The following MTMR7 variants were observed in gnomAD, a reference collection of about 807,000 sequenced individuals.
MTMR7 encodes phosphatidylinositol-3-phosphate phosphatase MTMR7.
A neutral mutation model predicts 81.2 loss-of-function variants in MTMR7; 76 were observed. That is an observed-to-expected ratio of 0.94 (90% CI 0.78 to 1.13). MTMR7 has a LOEUF of 1.13. Ranked by LOEUF, MTMR7 falls within the 50% of genes most tolerant of loss-of-function variation. MTMR7 has a pLI of 0.00. For missense variants in MTMR7, 1,044 were observed against 820.0 expected, an observed-to-expected ratio of 1.27 and a Z score of -3.34; for synonymous variants, 372 against 289.8, an observed-to-expected ratio of 1.28 and a Z score of -2.88.
At chr8:17,304,889 A>G (rs1207525506) in intron 11 of MTMR7, among the ~76,000 whole-genome samples, 1 of 152,076 alleles carries the variant, frequency 6.6e-6, no homozygotes, top group Non-Finnish European at 1.5e-5. Flanking sequence ...AGTTGCTGTG[A>G]GCTCTGTCTA....
At chr8:17,331,457 T>C (rs1318190814) in intron 6 of MTMR7, among the ~76,000 whole-genome samples, 175 bp from the exon 7 acceptor site, 2 of 152,224 alleles carry the variant, frequency 1.3e-5, no homozygotes, top group Non-Finnish European at 2.9e-5. Context: ...CAGGGACTCC[T>C]GCTGAGCTTA....
chr8:17,340,302 G>T (rs1002910522), intron 6 of MTMR7, among the ~76,000 whole-genome samples: 26 of 152,172 alleles, frequency 1.7e-4, no homozygotes, highest in African/African-American at 6.0e-4. Flanking sequence ...CACTCTTGTT[G>T]CCTAACAGGA....
At chr8:17,359,596 A>AAC (rs879808159) in intron 4 of MTMR7, among the ~76,000 whole-genome samples, 2 of 151,610 alleles carry the variant, frequency 1.3e-5, no homozygotes, top group East Asian at 1.9e-4. Flanking sequence ...AAAAAAAAAA[A>AAC]AAACCTGAAA....
intron 3 of MTMR7, among the ~76,000 whole-genome samples, chr8:17,365,163 A>G (rs1820187179): frequency 6.6e-6 from 1 of 152,104 alleles, no homozygotes; most frequent in Admixed American, 6.5e-5. Flanking sequence ...CTCCCTAATG[A>G]TTATTGAGGT....
Position 17,297,407 on chromosome 8 carries a change from C to G in MTMR7, c.*2455G>C, listed in dbSNP as rs1225308577. On this transcript the variant is annotated 3_prime_UTR_variant, in exon 14 of 14. Coordinates refer to ENST00000180173, the MANE Select transcript of MTMR7 (RefSeq NM_004686.5). Reference sequence around the variant, plus strand: ...ACATATATATGCTTAAATTGAAGGACAGCTCAGATTCATTTTTAGGAGAAG... The same window carrying G: ...ACATATATATGCTTAAATTGAAGGAGAGCTCAGATTCATTTTTAGGAGAAG... 4 of 152,006 alleles carry G rather than the reference C, an allele frequency of 2.6e-5. No homozygotes were observed. Among genetic ancestry groups the G allele is most frequent in the Non-Finnish European group, 5.9e-5 (4 of 67,932 alleles). The allele number at this position is 152,006 out of a possible 1,614,324, so 9.4% of individuals were successfully genotyped here.
rs369466778 is a variant in MTMR7, at chr8:17,348,994, G to A, written c.556C>T (p.Arg186Trp). Reference protein sequence around the residue: ...IVGSSKFRSRRRFPVLSYYYK... With the variant: ...IVGSSKFRSRWRFPVLSYYYK... ...TAGTAAGAAAGGACAGGAAATCGCCGTCTACTCCGGAATTTGGAACTCCCC... is the reference window on the plus strand; with the variant it reads ...TAGTAAGAAAGGACAGGAAATCGCCATCTACTCCGGAATTTGGAACTCCCC... Residue 186 changes from arginine to tryptophan, a missense_variant, in exon 5 of 14, where the codon CGG (arginine) becomes TGG (tryptophan). By Grantham distance (101) the Arg-to-Trp change is moderately radical. Transcript: ENST00000180173. 4.6e-5 allele frequency: 74 copies of A among 1,613,298 alleles called. No homozygotes were observed. The highest frequency in any genetic ancestry group is 2.1e-4 in the African/African-American group (16 of 74,592).
At chr8:17,303,068 G>A (rs1458586155) in intron 12 of MTMR7, among the ~76,000 whole-genome samples, 1 of 152,096 alleles carries the variant, frequency 6.6e-6, no homozygotes, top group Non-Finnish European at 1.5e-5. Context: ...GAGAAAAATG[G>A]TGTTATCACA....
intron 6 of MTMR7, among the ~76,000 whole-genome samples, chr8:17,337,553 A>G (rs926657417): frequency 2.6e-5 from 4 of 152,150 alleles, no homozygotes; most frequent in African/African-American, 9.7e-5. Flanking sequence ...CCTGAAGAGT[A>G]TAATTTTTTT....
chr8:17,390,612 A>G (rs1167984960), intron 1 of MTMR7, among the ~76,000 whole-genome samples: 1 of 152,154 alleles, frequency 6.6e-6, no homozygotes, highest in Non-Finnish European at 1.5e-5. Context: ...ACTGCTATAA[A>G]GATAGTACCC....
chr8:17,300,017 G>T lies in MTMR7; in HGVS notation c.1828C>A (p.Leu610Met), dbSNP rs773786079. 6.2e-7 allele frequency: 1 copy of T among 1,614,036 alleles called. No homozygotes were observed. The highest frequency in any genetic ancestry group is 1.3e-5 in the African/African-American group (1 of 74,932). Residue 610 changes from leucine (L) to methionine (M), a missense_variant, in exon 14 of 14, where the codon CTG becomes ATG. Leu to Met is a conservative substitution (Grantham distance 15). Coordinates refer to ENST00000180173, the MANE Select transcript of MTMR7 (RefSeq NM_004686.5). ...GACAGATCTGGATCTGAACTTTTCA[G>T]ATTGTCTTGGGTTAGAATCAGAGCA... Reference protein sequence around the residue: ...DSALILTQDNLKSSDPDLSAN... With the variant: ...DSALILTQDNMKSSDPDLSAN...
intron 3 of MTMR7, among the ~76,000 whole-genome samples, chr8:17,362,965 A>C (rs771339501): frequency 7.9e-5 from 12 of 152,224 alleles, no homozygotes; most frequent in Non-Finnish European, 1.5e-4. Flanking sequence ...GTAAGAAGCA[A>C]CTGCTGTATG....
At chr8:17,380,829 T>C (rs539598914) in intron 1 of MTMR7, among the ~76,000 whole-genome samples, 2 of 152,322 alleles carry the variant, frequency 1.3e-5, no homozygotes, top group South Asian at 4.1e-4. Context: ...TACATGAAAT[T>C]AGTACTTGAA....
intron 7 of MTMR7, among the ~76,000 whole-genome samples, chr8:17,320,155 A>G (rs1214353393): frequency 6.6e-6 from 1 of 151,988 alleles, no homozygotes; most frequent in Non-Finnish European, 1.5e-5. Flanking sequence ...TACATAACAT[A>G]TGAGATTTTC....
At chr8:17,386,692 T>C (rs960345475) in intron 1 of MTMR7, among the ~76,000 whole-genome samples, 3 of 152,164 alleles carry the variant, frequency 2.0e-5, no homozygotes, top group African/African-American at 4.8e-5. Context: ...TCCATGGCCA[T>C]GAAGAAAAGC....
At chr8:17,408,232 T>C (rs1227850695) in intron 1 of MTMR7, among the ~76,000 whole-genome samples, 1 of 113,566 alleles carries the variant, frequency 8.8e-6, no homozygotes, top group African/African-American at 2.6e-5. Context: ...CTACTAAAAA[T>C]ACAAAAATTA....
chr8:17,399,561 A>T (rs1020055172), intron 1 of MTMR7, among the ~76,000 whole-genome samples: 2 of 152,204 alleles, frequency 1.3e-5, no homozygotes, highest in African/African-American at 4.8e-5. Flanking sequence ...AACCCAAAGT[A>T]ATCTACAAAT....
At chr8:17,362,791 A>G (rs1820097841) in intron 3 of MTMR7, among the ~76,000 whole-genome samples, 1 of 152,216 alleles carries the variant, frequency 6.6e-6, no homozygotes, top group South Asian at 2.1e-4. Context: ...AAATACATGT[A>G]TGTGTAGCCC....
chr8:17,389,497 G>C (rs189342698), intron 1 of MTMR7, among the ~76,000 whole-genome samples: 87 of 152,264 alleles, frequency 5.7e-4, no homozygotes, highest in African/African-American at 1.9e-3. Flanking sequence ...AGCAACCCTC[G>C]GTGGCAGGAT....
chr8:17,329,753 C>G (rs960360932), intron 7 of MTMR7, among the ~76,000 whole-genome samples: 2 of 152,192 alleles, frequency 1.3e-5, no homozygotes, highest in Admixed American at 6.5e-5. Flanking sequence ...ACATAAAAAA[C>G]ATAGTTTGTA....
Sources: allele counts gnomAD v4.1 joint callset (sites outside exome capture counted in the v4.1 genomes callset), GRCh38; gene constraint gnomAD v4.1.1; transcripts MANE v1.5; gene names NCBI Gene and HGNC (gene_info 2026-07-23, HGNC 2026-07-21).